LGR6: variants seen among roughly 807,000 people sequenced by gnomAD.
LGR6 encodes leucine rich repeat containing G protein-coupled receptor 6.
Under a neutral mutation model 69.4 loss-of-function variants are expected in LGR6, and 45 were observed. The observed-to-expected ratio is 0.65, with a 90% CI of 0.51 to 0.83. The LOEUF (loss-of-function observed/expected upper bound fraction) is 0.83. Among genes scored for constraint, LGR6 ranks in the 40% least tolerant of loss-of-function variants. The pLI is 0.00. For synonymous variants in LGR6, 538 were observed against 555.0 expected, an observed-to-expected ratio of 0.97 and a Z score of 0.43; for missense variants, 1,108 against 1,246.7, an observed-to-expected ratio of 0.89 and a Z score of 1.68.
intron 6 of LGR6, among the ~76,000 whole-genome samples, chr1:202,287,623 AC>A (rs914642197): frequency 6.6e-6 from 1 of 152,062 alleles, no homozygotes; most frequent in African/African-American, 2.4e-5. Flanking sequence ...AACCCATCCC[AC>A]CAGAAGTCTT....
intron 9 of LGR6, among the ~76,000 whole-genome samples, 168 bp from the exon 10 acceptor site, chr1:202,303,111 G>C (rs1348064507): frequency 1.3e-5 from 2 of 152,146 alleles, no homozygotes; most frequent in Non-Finnish European, 2.9e-5. Context: ...GCTAAGTATG[G>C]CTCAGCCTCC....
intron 16 of LGR6, among the ~76,000 whole-genome samples, chr1:202,313,370 C>T (rs1653896480): frequency 6.6e-6 from 1 of 152,150 alleles, no homozygotes; most frequent in Non-Finnish European, 1.5e-5. Context: ...AAATTATGTT[C>T]AGCTCATGCA....
intron 1 of LGR6, among the ~76,000 whole-genome samples, chr1:202,196,322 C>T (rs3010091): frequency 0.64 from 97,092 of 151,900 alleles, 33,507 homozygotes; most frequent in South Asian, 0.89. Context: ...GAGAACAGCT[C>T]TACCAGAAAG....
At position 202,231,210 on chromosome 1, in the gene LGR6, A is replaced by G. The variant is rs77809057; in HGVS notation, c.356+3203A>G. 2.2e-4 allele frequency among the ~76,000 whole-genome samples: 34 copies of G among 152,264 alleles called. No homozygotes were observed. The East Asian group carries it at 6.2e-3, about 28-fold the overall frequency. On this transcript the variant is annotated intron_variant, in intron 3 of 17. Coordinates refer to ENST00000367278, the MANE Select transcript of LGR6 (RefSeq NM_001017403.2). ...GTGTAGCCCTTTTCACCCTGTATGG[A>G]GCCATCTTCAGTTGACATTAGCTGT... is the stretch of plus-strand genomic sequence containing the variant.
chr1:202,254,477 C>T (rs1412034626), intron 4 of LGR6, among the ~76,000 whole-genome samples: 1 of 152,134 alleles, frequency 6.6e-6, no homozygotes, highest in Non-Finnish European at 1.5e-5. Flanking sequence ...AGGAATGGTC[C>T]GTCTGGTGGT....
At chr1:202,271,290 A>G (rs1338255350) in intron 4 of LGR6, among the ~76,000 whole-genome samples, 1 of 152,098 alleles carries the variant, frequency 6.6e-6, no homozygotes, top group Non-Finnish European at 1.5e-5. Flanking sequence ...TGGCTGCCAG[A>G]TGGCAGGGGA....
intron 17 of LGR6, among the ~76,000 whole-genome samples, chr1:202,317,682 G>A (rs575153113): frequency 1.3e-5 from 2 of 152,270 alleles, no homozygotes; most frequent in South Asian, 4.1e-4. Flanking sequence ...TGAGAGGAGG[G>A]TTAGGGTTCA....
chr1:202,318,004 C>T lies in LGR6; in HGVS notation c.1701C>T (p.Ala567=), dbSNP rs1354686322. 13 of 1,613,968 alleles carry T rather than the reference C, an allele frequency of 8.1e-6. No homozygotes were observed. The highest frequency in any genetic ancestry group is 2.2e-5 in the East Asian group (1 of 44,902). The change falls in exon 18 of 18, where the codon GCC becomes GCT. Residue 567 remains alanine, a synonymous_variant. Coordinates refer to ENST00000367278, the MANE Select transcript of LGR6 (RefSeq NM_001017403.2). ...YLFESWGIRL[A]VWAIVLLSVL... ...TTGAAAGCTGGGGCATCCGCCTGGC[C>T]GTGTGGGCCATCGTGTTGCTCTCCG...
intron 4 of LGR6, among the ~76,000 whole-genome samples, chr1:202,249,361 C>T (rs992655201): frequency 3.9e-5 from 6 of 152,206 alleles, no homozygotes; most frequent in African/African-American, 1.4e-4. Flanking sequence ...CTTGGAAGCT[C>T]CTCTTCCCCT....
Position 202,193,892 on chromosome 1 carries a change from G to A in LGR6, c.-98G>A. 2 of 759,964 alleles carry A rather than the reference G, an allele frequency of 2.6e-6. No homozygotes were observed. The highest frequency in any genetic ancestry group is 3.8e-5 in the South Asian group (1 of 26,330). The allele number at this position is 759,964 out of a possible 1,614,324, so 47.1% of individuals were successfully genotyped here. ...TAGAGCCCCTGGGGCGGTCCCCACC[G>A]ACGGTGCAGCCCGCCGGGACCGGGA... On this transcript the variant is annotated 5_prime_UTR_variant, in exon 1 of 18. Coordinates refer to ENST00000367278, the MANE Select transcript of LGR6 (RefSeq NM_001017403.2).
At chr1:202,194,454 T>C (rs1053442815) in intron 1 of LGR6, 6 of 614,328 alleles carry the variant, frequency 9.8e-6, no homozygotes, top group Non-Finnish European at 1.8e-5. Context: ...GGGCTGACTA[T>C]GGGAGCCCAG....
intron 4 of LGR6, among the ~76,000 whole-genome samples, chr1:202,243,379 G>A (rs1375243424): frequency 6.6e-6 from 1 of 152,120 alleles, no homozygotes. Context: ...TATCAGCATT[G>A]AGCCCTGGAG....
intron 3 of LGR6, among the ~76,000 whole-genome samples, chr1:202,231,707 T>G (rs1661090295): frequency 1.3e-5 from 2 of 152,256 alleles, no homozygotes; most frequent in African/African-American, 2.4e-5. Flanking sequence ...TTCACACTCA[T>G]ACGTGTGATG....
At chr1:202,208,839 G>A (rs939013926) in intron 1 of LGR6, among the ~76,000 whole-genome samples, 6 of 152,160 alleles carry the variant, frequency 3.9e-5, no homozygotes, top group Admixed American at 6.5e-5. Context: ...TTGGGGTCAG[G>A]AAATACCTGG....
At chr1:202,299,466 G>T (rs756561127) in intron 7 of LGR6, among the ~76,000 whole-genome samples, 14 of 152,012 alleles carry the variant, frequency 9.2e-5, no homozygotes, top group Non-Finnish European at 2.1e-4. Flanking sequence ...GGAGACCTAA[G>T]TTAGCAGGGA....
chr1:202,212,794 C>G (rs1034759243), intron 1 of LGR6, among the ~76,000 whole-genome samples: 19 of 152,150 alleles, frequency 1.2e-4, no homozygotes, highest in Non-Finnish European at 1.3e-4. Context: ...GAGGTAGACA[C>G]ACCTTTAGGG....
At chr1:202,284,672 A>G (rs1173628196) in intron 6 of LGR6, among the ~76,000 whole-genome samples, 1 of 152,190 alleles carries the variant, frequency 6.6e-6, no homozygotes, top group Non-Finnish European at 1.5e-5. Context: ...CCTGGAGGCC[A>G]TGACGAGCTA....
At chr1:202,204,724 CCTT>C (rs1164454425) in intron 1 of LGR6, among the ~76,000 whole-genome samples, 31 of 93,868 alleles carry the variant, frequency 3.3e-4, no homozygotes, top group Non-Finnish European at 4.9e-4. Context: ...ACACACACCT[CCTT>C]CAAACACACA....
intron 4 of LGR6, among the ~76,000 whole-genome samples, chr1:202,259,854 C>T (rs1285522263): frequency 6.6e-6 from 1 of 152,174 alleles, no homozygotes; most frequent in Admixed American, 6.5e-5. Context: ...ACACCCTCTC[C>T]AGGCAAAAGC....
Sources: gnomAD v4.1 joint callset for allele counts (sites outside exome capture counted in the v4.1 genomes callset) on GRCh38, gnomAD v4.1.1 for gene constraint, MANE v1.5 for transcripts, NCBI Gene and HGNC (gene_info 2026-07-23, HGNC 2026-07-21) for gene names.